Variants in PXDNL observed in about 807,000 individuals in gnomAD.
The protein encoded by PXDNL is peroxidasin like, also known as probable oxidoreductase PXDNL.
PXDNL carries 145 observed loss-of-function variants against 150.8 expected under a neutral mutation model. The observed-to-expected ratio is 0.96, with a 90% CI of 0.84 to 1.10. PXDNL has a LOEUF of 1.10. Among genes scored for constraint, PXDNL ranks in the 50% least tolerant of loss-of-function variants. PXDNL has a pLI of 0.00. For missense variants in PXDNL, 2,087 were observed against 1,873.9 expected, an observed-to-expected ratio of 1.11 and a Z score of -2.10; for synonymous variants, 757 against 725.7, an observed-to-expected ratio of 1.04 and a Z score of -0.69.
In PXDNL at chr8:51,408,758, C is replaced by A; in HGVS notation, c.2866G>T (p.Ala956Ser). The A allele has an allele frequency of 6.3e-7, 1 of 1,585,336 alleles. No individual in the cohort carries two copies. The highest frequency in any genetic ancestry group is 8.6e-7 in the Non-Finnish European group (1 of 1,166,064). The stretch of plus-strand genomic sequence containing the variant: ...TGCTCGTTGGCCCGGTGGTCCCCGG[C>A]CAGGAAACAGGGGCTCTCCTGCTCC... ...RQEQESPCFLAGDHRANEHLA... is the reference protein window; with the variant it reads ...RQEQESPCFLSGDHRANEHLA... The change falls in exon 17 of 23, where the codon GCC (alanine) becomes TCC (serine). Residue 956 changes from alanine (A) to serine (S), a missense_variant. Coordinates refer to ENST00000356297, the MANE Select transcript of PXDNL (RefSeq NM_144651.5).
rs906556534 is a variant in PXDNL at position 51,603,488 on chromosome 8, G to A, written c.237-10790C>T. 1.5e-4 allele frequency among the ~76,000 whole-genome samples: 23 copies of A among 151,980 alleles called. 1 individual carries two copies. In the South Asian group the frequency reaches 4.6e-3, roughly 30 times the overall value. On this transcript the variant is annotated intron_variant, in intron 2 of 22. Coordinates refer to ENST00000356297, the MANE Select transcript of PXDNL (RefSeq NM_144651.5). Reference sequence around the variant, plus strand: ...TTATATCTTCCAGTTTGCTAAGTTGGATATTTTCTTTCATCATATTTTGTA... The same window carrying A: ...TTATATCTTCCAGTTTGCTAAGTTGAATATTTTCTTTCATCATATTTTGTA...
chr8:51,392,933 A>C (rs940204344), intron 17 of PXDNL, among the ~76,000 whole-genome samples: 24 of 152,330 alleles, frequency 1.6e-4, no homozygotes, highest in African/African-American at 5.8e-4. Context: ...AAGATTAGAG[A>C]GTACACTATT....
chr8:51,537,504 CAT>C (rs1371094494), intron 4 of PXDNL, among the ~76,000 whole-genome samples: 1 of 152,160 alleles, frequency 6.6e-6, no homozygotes, highest in East Asian at 1.9e-4. Flanking sequence ...TGAAGCTGGA[CAT>C]GAGTCCCCTA....
At chr8:51,707,545 A>G (rs1585689811) in intron 1 of PXDNL, among the ~76,000 whole-genome samples, 1 of 152,294 alleles carries the variant, frequency 6.6e-6, no homozygotes, top group East Asian at 1.9e-4. Flanking sequence ...CATGAGATCT[A>G]TCATCTTAAA....
chr8:51,413,578 T>C (rs1463350958), intron 14 of PXDNL, among the ~76,000 whole-genome samples: 1 of 152,146 alleles, frequency 6.6e-6, no homozygotes, highest in African/African-American at 2.4e-5. Context: ...ATTTGTCATC[T>C]TGGAGAAGGT....
chr8:51,627,930 C>A (rs1332752725), intron 2 of PXDNL, among the ~76,000 whole-genome samples: 1 of 152,128 alleles, frequency 6.6e-6, no homozygotes, highest in Non-Finnish European at 1.5e-5. Flanking sequence ...TTTCACTGAA[C>A]TTAGAATTCA....
intron 1 of PXDNL, among the ~76,000 whole-genome samples, chr8:51,717,271 TAA>T (rs1024626195): frequency 3.3e-5 from 5 of 152,138 alleles, no homozygotes; most frequent in African/African-American, 1.2e-4. Context: ...GAGCTTGAGA[TAA>T]AGACATAGCT....
intron 21 of PXDNL, among the ~76,000 whole-genome samples, chr8:51,332,056 AGAAACGTCATG>A (rs1805705513): frequency 6.6e-6 from 1 of 152,168 alleles, no homozygotes; most frequent in Non-Finnish European, 1.5e-5. Flanking sequence ...ACCCAAGCTA[AGAAACGTCATG>A]GAATCCACTT....
At chr8:51,745,140 ATT>A (rs1227206025) in intron 1 of PXDNL, among the ~76,000 whole-genome samples, 1 of 152,218 alleles carries the variant, frequency 6.6e-6, no homozygotes, top group Middle Eastern at 3.4e-3. Flanking sequence ...CTTATTTGTT[ATT>A]TTGTCATCTA....
At chr8:51,485,265 C>G (rs935969153) in intron 5 of PXDNL, among the ~76,000 whole-genome samples, 1 of 152,116 alleles carries the variant, frequency 6.6e-6, no homozygotes, top group African/African-American at 2.4e-5. Flanking sequence ...CTGATCCTTC[C>G]TGTTTTGATT....
intron 1 of PXDNL, among the ~76,000 whole-genome samples, chr8:51,796,703 G>T (rs2037565237): frequency 6.6e-6 from 1 of 152,054 alleles, no homozygotes; most frequent in African/African-American, 2.4e-5. Flanking sequence ...ACAAAAAAAA[G>T]CCCAGGACCA....
chr8:51,534,963 A>T (rs1337847678), intron 4 of PXDNL, among the ~76,000 whole-genome samples: 4 of 88,058 alleles, frequency 4.5e-5, no homozygotes, highest in Non-Finnish European at 4.1e-5. Context: ...TCCGGGAGGG[A>T]GGTGGGGGGG....
At chr8:51,323,559 G>T (rs1805389786) in intron 21 of PXDNL, among the ~76,000 whole-genome samples, 1 of 152,234 alleles carries the variant, frequency 6.6e-6, no homozygotes, top group East Asian at 1.9e-4. Flanking sequence ...AAAGTGCTGG[G>T]ATTACAGGCT....
At chr8:51,726,373 C>A (rs7823895) in intron 1 of PXDNL, among the ~76,000 whole-genome samples, 142,826 of 152,236 alleles carry the variant, frequency 0.94, 67,672 homozygotes, top group East Asian at 1. Context: ...CATCCCACTT[C>A]ACCTTTGGCT....
intron 1 of PXDNL, among the ~76,000 whole-genome samples, chr8:51,794,862 T>A (rs1167020523): frequency 6.6e-6 from 1 of 152,158 alleles, no homozygotes; most frequent in Non-Finnish European, 1.5e-5. Flanking sequence ...AGACACAGAA[T>A]GGCAAGCTGA....
At chr8:51,391,821 T>C (rs957971891) in intron 17 of PXDNL, among the ~76,000 whole-genome samples, 4 of 152,188 alleles carry the variant, frequency 2.6e-5, no homozygotes, top group African/African-American at 9.7e-5. Flanking sequence ...CCCATGCCTA[T>C]GTCCTGAATG....
intron 1 of PXDNL, among the ~76,000 whole-genome samples, chr8:51,755,553 A>G (rs902088832): frequency 4.6e-5 from 7 of 152,106 alleles, no homozygotes; most frequent in African/African-American, 1.7e-4. Context: ...CGGCCTCCCA[A>G]AGTGCTGGGG....
At chr8:51,437,041 C>T (rs1809424283) in intron 12 of PXDNL, among the ~76,000 whole-genome samples, 1 of 152,032 alleles carries the variant, frequency 6.6e-6, no homozygotes, top group Admixed American at 6.6e-5. Context: ...CACAGAAATG[C>T]AAAAGATCAT....
chr8:51,327,700 CTT>C (rs1470094172), intron 21 of PXDNL, among the ~76,000 whole-genome samples: 2 of 152,312 alleles, frequency 1.3e-5, no homozygotes, highest in African/African-American at 4.8e-5. Flanking sequence ...AAAGAAGTCT[CTT>C]TGTGTTCAGA....
Sources: gnomAD v4.1 joint callset for allele counts (sites outside exome capture counted in the v4.1 genomes callset) on GRCh38, gnomAD v4.1.1 for gene constraint, MANE v1.5 for transcripts, NCBI Gene and HGNC (gene_info 2026-07-23, HGNC 2026-07-21) for gene names.